RIT2: variants seen among roughly 807,000 people sequenced by gnomAD.
RIT2 encodes the protein GTP-binding protein Rit2.
In RIT2, 24 loss-of-function variants were observed where a neutral mutation model predicts 23.7. The observed-to-expected ratio is 1.01, with a 90% CI of 0.73 to 1.43. The LOEUF (loss-of-function observed/expected upper bound fraction) is 1.43, where lower values mean the gene tolerates loss of function less well. Ranked by LOEUF, RIT2 falls within the 40% of genes most tolerant of loss-of-function variation. RIT2 has a pLI of 0.00. For synonymous variants in RIT2, 107 were observed against 91.1 expected, an observed-to-expected ratio of 1.17 and a Z score of -0.99; for missense variants, 236 against 266.9, an observed-to-expected ratio of 0.88 and a Z score of 0.81.
intron 4 of RIT2, among the ~76,000 whole-genome samples, chr18:42,774,313 T>A (rs1451832187): frequency 6.6e-6 from 1 of 152,080 alleles, no homozygotes; most frequent in Non-Finnish European, 1.5e-5. Context: ...CATAGGCGAT[T>A]TTTTCAGACA....
intron 4 of RIT2, among the ~76,000 whole-genome samples, chr18:42,851,758 G>C (rs1010753531): frequency 6.6e-6 from 1 of 152,244 alleles, no homozygotes; most frequent in Admixed American, 6.5e-5. Context: ...GCTGAGGCAG[G>C]GGAATTGCTT....
intron 1 of RIT2, 151 bp downstream of exon 1, chr18:43,115,266 T>G (rs1914041355): frequency 1.1e-6 from 1 of 923,972 alleles, no homozygotes; most frequent in South Asian, 1.7e-5. Flanking sequence ...TTAACAGTCC[T>G]GACACTTTGG....
chr18:42,975,360 A>C (rs1208693460), intron 2 of RIT2, among the ~76,000 whole-genome samples: 1 of 152,092 alleles, frequency 6.6e-6, no homozygotes, highest in Middle Eastern at 3.2e-3. Context: ...CTTGTATCCC[A>C]GGGATGAGGC....
intron 4 of RIT2, among the ~76,000 whole-genome samples, chr18:42,858,233 T>C (rs1239354212): frequency 6.6e-6 from 1 of 152,046 alleles, no homozygotes; most frequent in African/African-American, 2.4e-5. Context: ...TCAAGCAGAG[T>C]TGCTCTTAAT....
intron 3 of RIT2, among the ~76,000 whole-genome samples, chr18:42,958,529 G>A (rs1209999186): frequency 2.6e-5 from 4 of 152,048 alleles, no homozygotes; most frequent in Non-Finnish European, 5.9e-5. Context: ...TGAAATTCCA[G>A]GGACAATGTT....
intron 1 of RIT2, among the ~76,000 whole-genome samples, chr18:43,069,187 C>A (rs540417986): frequency 6.6e-6 from 1 of 152,208 alleles, no homozygotes; most frequent in South Asian, 2.1e-4. Flanking sequence ...GAGCACATCT[C>A]CCTGTGATTT....
At chr18:42,866,415 T>A (rs2144056601) in intron 4 of RIT2, among the ~76,000 whole-genome samples, 1 of 152,196 alleles carries the variant, frequency 6.6e-6, no homozygotes, top group African/African-American at 2.4e-5. Context: ...AAAGAAAAGA[T>A]TGTATTTCTC....
At chr18:43,040,169 A>G (rs772015002) in intron 1 of RIT2, among the ~76,000 whole-genome samples, 1 of 152,200 alleles carries the variant, frequency 6.6e-6, no homozygotes, top group Non-Finnish European at 1.5e-5. Flanking sequence ...AATACCAAAT[A>G]AATAGGTGGA....
At chr18:43,022,784 A>C (rs1911626731) in intron 2 of RIT2, among the ~76,000 whole-genome samples, 1 of 152,090 alleles carries the variant, frequency 6.6e-6, no homozygotes, top group African/African-American at 2.4e-5. Flanking sequence ...AAAATGAATT[A>C]ACATGAGTCA....
intron 3 of RIT2, among the ~76,000 whole-genome samples, chr18:42,947,283 G>C (rs993208145): frequency 6.6e-6 from 1 of 152,004 alleles, no homozygotes; most frequent in Non-Finnish European, 1.5e-5. Flanking sequence ...AACTGAGAGT[G>C]GACTGAATTC....
At chr18:42,904,860 G>A (rs1385782136) in intron 4 of RIT2, among the ~76,000 whole-genome samples, 1 of 152,094 alleles carries the variant, frequency 6.6e-6, no homozygotes, top group Non-Finnish European at 1.5e-5. Context: ...TCCCACCTAA[G>A]TGGCAATCAG....
At chr18:42,894,044 G>A (rs1908255282) in intron 4 of RIT2, among the ~76,000 whole-genome samples, 1 of 152,220 alleles carries the variant, frequency 6.6e-6, no homozygotes, top group African/African-American at 2.4e-5. Context: ...GCATGATAGA[G>A]CTCTTTGTCT....
chr18:42,808,785 A>C (rs549885494), intron 4 of RIT2, among the ~76,000 whole-genome samples: 2 of 152,262 alleles, frequency 1.3e-5, no homozygotes, highest in East Asian at 3.9e-4. Context: ...TTCATCAAAG[A>C]CTGGGCTCAA....
At chr18:43,105,741 G>C (rs1275162952) in intron 1 of RIT2, among the ~76,000 whole-genome samples, 1 of 152,086 alleles carries the variant, frequency 6.6e-6, no homozygotes, top group Non-Finnish European at 1.5e-5. Context: ...TATAAACTTT[G>C]TCCCACAGTT....
intron 4 of RIT2, among the ~76,000 whole-genome samples, chr18:42,763,555 G>A (rs553070038): frequency 6.6e-6 from 1 of 151,944 alleles, no homozygotes; most frequent in South Asian, 2.1e-4. Context: ...TGAGTGATGA[G>A]TCAATGTGAA....
At chr18:42,993,226 TG>T (rs1438770820) in intron 2 of RIT2, among the ~76,000 whole-genome samples, 1 of 152,196 alleles carries the variant, frequency 6.6e-6, no homozygotes. Context: ...CCTGTCTATG[TG>T]GGACCCCACT....
chr18:42,745,605 A>T (rs559912296), intron 4 of RIT2, among the ~76,000 whole-genome samples: 2 of 152,048 alleles, frequency 1.3e-5, no homozygotes, highest in South Asian at 4.2e-4. Flanking sequence ...AAACATGCCA[A>T]TTTTTTTTAG....
At chr18:42,991,197 C>T (rs1338779017) in intron 2 of RIT2, among the ~76,000 whole-genome samples, 1 of 152,148 alleles carries the variant, frequency 6.6e-6, no homozygotes, top group African/African-American at 2.4e-5. Context: ...TGCACTTTCC[C>T]AGCCCCTTTT....
intron 4 of RIT2, among the ~76,000 whole-genome samples, chr18:42,878,122 T>G (rs1444623464): frequency 6.6e-6 from 1 of 150,660 alleles, no homozygotes; most frequent in African/African-American, 2.4e-5. Context: ...ATATAATATA[T>G]ATACACATAT....
Sources: gnomAD v4.1 joint callset for allele counts (sites outside exome capture counted in the v4.1 genomes callset) on GRCh38, gnomAD v4.1.1 for gene constraint, MANE v1.5 for transcripts, NCBI Gene and HGNC (gene_info 2026-07-23, HGNC 2026-07-21) for gene names.